The following MYO3A variants were observed in gnomAD, a reference collection of about 807,000 sequenced individuals.
MYO3A encodes the protein myosin IIIA.
MYO3A carries 180 observed loss-of-function variants against 192.7 expected under a neutral mutation model. That is an observed-to-expected ratio of 0.93 (90% confidence interval 0.83 to 1.06). The LOEUF is 1.06. Ranked by LOEUF, MYO3A falls within the 50% of genes least tolerant of loss-of-function variation. The pLI is 0.00. For missense variants in MYO3A, 1,896 were observed against 1,905.0 expected (o/e 1.00, Z 0.09); for synonymous variants, 628 against 645.3 (o/e 0.97, Z 0.41).
chr10:26,120,148 T>C (rs1564568366), intron 17 of MYO3A, among the ~76,000 whole-genome samples: 1 of 151,860 alleles, frequency 6.6e-6, no homozygotes, highest in Non-Finnish European at 1.5e-5. Flanking sequence ...TGGGCAACAG[T>C]GAGTCTTTGT....
At chr10:26,056,439 T>C (rs1404571551) in intron 10 of MYO3A, among the ~76,000 whole-genome samples, 2 of 152,162 alleles carry the variant, frequency 1.3e-5, no homozygotes, top group African/African-American at 4.8e-5. Flanking sequence ...TTTTCCAAAG[T>C]TAACGTCAAA....
intron 2 of MYO3A, among the ~76,000 whole-genome samples, chr10:25,946,662 G>A (rs931345308): frequency 5.3e-5 from 8 of 151,316 alleles, no homozygotes; most frequent in African/African-American, 1.7e-4. Context: ...GGTGGATCAC[G>A]AGGTCAGGAG....
intron 2 of MYO3A, among the ~76,000 whole-genome samples, chr10:25,937,605 T>G (rs891546105): frequency 2.8e-4 from 42 of 152,160 alleles, no homozygotes; most frequent in African/African-American, 1.0e-3. Flanking sequence ...TGACTTAAAG[T>G]TTTTTGGAGG....
chr10:26,113,320 A>G (rs1293411038), intron 17 of MYO3A, among the ~76,000 whole-genome samples: 1 of 152,102 alleles, frequency 6.6e-6, no homozygotes, highest in East Asian at 1.9e-4. Flanking sequence ...AATACAAAAA[A>G]TTAGCCAGTT....
chr10:26,101,153 G>A (rs1837426039), intron 17 of MYO3A, among the ~76,000 whole-genome samples: 1 of 152,052 alleles, frequency 6.6e-6, no homozygotes, highest in African/African-American at 2.4e-5. Context: ...TTATGTAATG[G>A]CCTTCTTTGT....
chr10:26,198,422 A>C (rs1247567164), intron 32 of MYO3A, among the ~76,000 whole-genome samples: 1 of 152,214 alleles, frequency 6.6e-6, no homozygotes, highest in Non-Finnish European at 1.5e-5. Context: ...TCCTCAAAAA[A>C]ACGAGTAATC....
intron 17 of MYO3A, among the ~76,000 whole-genome samples, chr10:26,112,725 A>G (rs1165379714): frequency 6.6e-6 from 1 of 152,244 alleles, no homozygotes; most frequent in Non-Finnish European, 1.5e-5. Flanking sequence ...GATTCAGCAC[A>G]ATCCAAAGGA....
intron 15 of MYO3A, 62 bp from the exon 16 acceptor site, chr10:26,096,319 C>G (rs1564543664): frequency 8.3e-7 from 1 of 1,204,062 alleles, no homozygotes; most frequent in Admixed American, 1.9e-5. Flanking sequence ...ATTATATTGT[C>G]AAGTAACTTA....
intron 34 of MYO3A, among the ~76,000 whole-genome samples, chr10:26,210,706 G>A (rs940488901): frequency 7.9e-5 from 12 of 151,978 alleles, no homozygotes; most frequent in Middle Eastern, 3.2e-3. Context: ...TAAATTATCC[G>A]AACACTCTAT....
intron 6 of MYO3A, among the ~76,000 whole-genome samples, chr10:26,013,751 A>G (rs1483572921): frequency 6.6e-6 from 1 of 152,122 alleles, no homozygotes; most frequent in Non-Finnish European, 1.5e-5. Context: ...CTACCATTTG[A>G]TCCAGCAATT....
intron 10 of MYO3A, among the ~76,000 whole-genome samples, chr10:26,064,811 C>T (rs1012795617): frequency 6.6e-5 from 10 of 151,994 alleles, no homozygotes; most frequent in African/African-American, 2.2e-4. Context: ...AAGGAGTCAC[C>T]GTTGACTGAG....
chr10:26,085,863 T>A (rs996771142), intron 14 of MYO3A, among the ~76,000 whole-genome samples: 1 of 152,220 alleles, frequency 6.6e-6, no homozygotes, highest in African/African-American at 2.4e-5. Flanking sequence ...GCTTGTGAGC[T>A]GATCCCCACT....
rs937708943 is a variant in MYO3A, at chr10:26,154,838, T to C, written c.2793+15T>C. ...CATATTTTAGAGTAAGATATTAAACTATGATGTATTGTGCTTAGGGGTGCT... is the reference window on the plus strand; with the variant it reads ...CATATTTTAGAGTAAGATATTAAACCATGATGTATTGTGCTTAGGGGTGCT... On this transcript the variant is annotated intron_variant, in intron 25 of 34. Transcript: ENST00000642920. 2 of 1,599,876 alleles carry C rather than the reference T, an allele frequency of 1.3e-6. No individual in the cohort carries two copies. The highest frequency in any genetic ancestry group is 2.7e-5 in the African/African-American group (2 of 74,564).
intron 6 of MYO3A, among the ~76,000 whole-genome samples, chr10:26,010,088 A>G (rs1392984638): frequency 6.6e-6 from 1 of 152,230 alleles, no homozygotes; most frequent in Non-Finnish European, 1.5e-5. Flanking sequence ...TCCAAAGCCA[A>G]GAAGAATGCA....
intron 29 of MYO3A, 62 bp downstream of exon 29, chr10:26,170,601 T>C: frequency 6.5e-7 from 1 of 1,528,140 alleles, no homozygotes. Context: ...TGTAAGGTCA[T>C]AGAATAATGT....
At chr10:26,132,545 C>G (rs977818690) in intron 20 of MYO3A, among the ~76,000 whole-genome samples, 9 of 152,156 alleles carry the variant, frequency 5.9e-5, no homozygotes, top group African/African-American at 2.2e-4. Context: ...GTGTATGATG[C>G]TACAGCGTAT....
intron 6 of MYO3A, among the ~76,000 whole-genome samples, chr10:26,015,772 C>CT (rs1211887327): frequency 1.1e-4 from 16 of 152,194 alleles, no homozygotes; most frequent in Admixed American, 1.3e-4. Context: ...ACTCTTCTGT[C>CT]TAAGTATATT....
At chr10:26,050,883 GT>G (rs1843957157) in intron 10 of MYO3A, among the ~76,000 whole-genome samples, 1 of 152,136 alleles carries the variant, frequency 6.6e-6, no homozygotes, top group African/African-American at 2.4e-5. Context: ...ACTTAATGAA[GT>G]TACTCCTCTT....
intron 2 of MYO3A, among the ~76,000 whole-genome samples, chr10:25,951,113 G>A (rs1285059574): frequency 1.3e-5 from 2 of 151,978 alleles, no homozygotes; most frequent in Non-Finnish European, 2.9e-5. Context: ...AGTGTGCCAG[G>A]TATTGGACAT....
Sources: allele counts gnomAD v4.1 joint callset (sites outside exome capture counted in the v4.1 genomes callset), GRCh38; gene constraint gnomAD v4.1.1; transcripts MANE v1.5; gene names NCBI Gene and HGNC (gene_info 2026-07-23, HGNC 2026-07-21).